GFRA2: variants seen among roughly 807,000 people sequenced by gnomAD.
GFRA2 encodes GDNF family receptor alpha-2.
Under a neutral mutation model 48.3 loss-of-function variants are expected in GFRA2, and 17 were observed. The observed-to-expected ratio is 0.35, with a 90% CI of 0.24 to 0.53. The LOEUF (loss-of-function observed/expected upper bound fraction) is 0.53. GFRA2 is among the 20% of genes least tolerant of loss of function. The pLI is 0.93. For synonymous variants in GFRA2, 305 were observed against 257.2 expected, an observed-to-expected ratio of 1.19 and a Z score of -1.78; for missense variants, 660 against 637.3, an observed-to-expected ratio of 1.04 and a Z score of -0.38.
chr8:21,796,080 C>T (rs901779257), intron 2 of GFRA2, among the ~76,000 whole-genome samples: 19 of 152,342 alleles, frequency 1.2e-4, no homozygotes, highest in African/African-American at 4.6e-4. Flanking sequence ...AGCTAGTAAA[C>T]CACCCTTCTG....
chr8:21,802,866 G>A (rs75949648), intron 2 of GFRA2, among the ~76,000 whole-genome samples: 1,896 of 152,252 alleles, frequency 0.012, 50 homozygotes, highest in East Asian at 0.12. Context: ...GCTCTTCCCA[G>A]GAGGTACTTC....
intron 3 of GFRA2, among the ~76,000 whole-genome samples, chr8:21,768,861 A>T (rs1043118340): frequency 1.7e-4 from 26 of 152,044 alleles, no homozygotes; most frequent in African/African-American, 6.3e-4. Context: ...GTCTGCCACA[A>T]TGATCCCTGT....
chr8:21,693,654 A>G (rs959314608), intron 8 of GFRA2, among the ~76,000 whole-genome samples: 3 of 151,934 alleles, frequency 2.0e-5, no homozygotes, highest in African/African-American at 7.2e-5. Flanking sequence ...AGAGGAGGGC[A>G]GTGGTCACCA....
intron 4 of GFRA2, among the ~76,000 whole-genome samples, chr8:21,722,166 C>CA (rs1803631869): frequency 6.6e-6 from 1 of 152,164 alleles, no homozygotes; most frequent in African/African-American, 2.4e-5. Flanking sequence ...ATTAATTACA[C>CA]ACCCCCATGC....
At chr8:21,721,816 G>T (rs887792850) in intron 4 of GFRA2, among the ~76,000 whole-genome samples, 1 of 152,184 alleles carries the variant, frequency 6.6e-6, no homozygotes, top group African/African-American at 2.4e-5. Flanking sequence ...CCAGGAAGCA[G>T]GGAGGACCAG....
intron 4 of GFRA2, chr8:21,706,490 G>A (rs1432979938): frequency 2.2e-6 from 1 of 456,592 alleles, no homozygotes; most frequent in Non-Finnish European, 4.4e-6. Context: ...CAGGTGACTA[G>A]TCCCTTCCCT....
intron 4 of GFRA2, among the ~76,000 whole-genome samples, chr8:21,725,896 G>A (rs931501397): frequency 7.2e-5 from 11 of 152,306 alleles, no homozygotes; most frequent in East Asian, 3.9e-4. Flanking sequence ...AGCAGAATCC[G>A]AGCAAGACCC....
chr8:21,732,462 G>A (rs1804244285), intron 4 of GFRA2, among the ~76,000 whole-genome samples: 1 of 152,202 alleles, frequency 6.6e-6, no homozygotes, highest in South Asian at 2.1e-4. Context: ...GAGAGGGGAG[G>A]GGGGTATCTC....
chr8:21,756,045 C>A (rs1303227965), intron 3 of GFRA2, among the ~76,000 whole-genome samples: 2 of 152,156 alleles, frequency 1.3e-5, no homozygotes, highest in African/African-American at 4.8e-5. Context: ...GGCCGGGGGC[C>A]AAGGTGAGGA....
intron 3 of GFRA2, among the ~76,000 whole-genome samples, chr8:21,755,890 C>G (rs944902638): frequency 1.3e-5 from 2 of 152,274 alleles, no homozygotes; most frequent in Non-Finnish European, 2.9e-5. Flanking sequence ...CCAAACCATT[C>G]TGCCCAGGAC....
At chr8:21,778,806 C>G (rs62494096) in intron 2 of GFRA2, among the ~76,000 whole-genome samples, 77,086 of 151,946 alleles carry the variant, frequency 0.51, 21,919 homozygotes, top group African/African-American at 0.77. Context: ...AGGGTCACTT[C>G]AGCCCAGAAA....
chr8:21,755,602 G>A (rs67273622), intron 3 of GFRA2, among the ~76,000 whole-genome samples: 44,317 of 150,902 alleles, frequency 0.29, 6,639 homozygotes, highest in Middle Eastern at 0.49. Flanking sequence ...AGGGAAGTCA[G>A]GTGTGGAGAG....
chr8:21,729,365 C>T (rs1468629795), intron 4 of GFRA2, among the ~76,000 whole-genome samples: 1 of 152,100 alleles, frequency 6.6e-6, no homozygotes, highest in Non-Finnish European at 1.5e-5. Context: ...TAGGCATTCC[C>T]ACTGGGACCT....
At chr8:21,754,103 T>A (rs938392467) in intron 3 of GFRA2, among the ~76,000 whole-genome samples, 1 of 152,226 alleles carries the variant, frequency 6.6e-6, no homozygotes, top group Non-Finnish European at 1.5e-5. Flanking sequence ...GCACATTCCA[T>A]GTACCCCTAC....
At chr8:21,751,779 G>C (rs554483588) in intron 3 of GFRA2, among the ~76,000 whole-genome samples, 15 of 152,296 alleles carry the variant, frequency 9.8e-5, no homozygotes, top group African/African-American at 3.6e-4. Context: ...AGTTCCTGGT[G>C]TTCTAATCAC....
chr8:21,720,171 G>A (rs900427862), intron 4 of GFRA2, among the ~76,000 whole-genome samples: 2 of 152,060 alleles, frequency 1.3e-5, no homozygotes, highest in African/African-American at 2.4e-5. Context: ...GACACATAAC[G>A]TATGGAGAAA....
chr8:21,810,552 A>C (rs1807958822), intron 1 of GFRA2, among the ~76,000 whole-genome samples: 1 of 152,190 alleles, frequency 6.6e-6, no homozygotes, highest in Non-Finnish European at 1.5e-5. Context: ...CCTGGCTGGC[A>C]CTGAGGGTAA....
rs141546784 is a variant in GFRA2, at chr8:21,696,799, A to T, written c.1219-2282T>A. On this transcript the variant is annotated intron_variant, in intron 7 of 8. Transcript: ENST00000524240. ...GTATTACACAGGAAAAATGACAGAGAAGAGGAGAGTGAAGAAAGGGGTGGA... is the reference window on the plus strand; with the variant it reads ...GTATTACACAGGAAAAATGACAGAGTAGAGGAGAGTGAAGAAAGGGGTGGA... 2.5e-3 allele frequency among the ~76,000 whole-genome samples: 378 copies of T among 152,042 alleles called. 1 individual carries two copies. The highest frequency in any genetic ancestry group is 8.8e-3 in the African/African-American group (364 of 41,472).
At chr8:21,762,021 G>A (rs1160891229) in intron 3 of GFRA2, among the ~76,000 whole-genome samples, 3 of 152,114 alleles carry the variant, frequency 2.0e-5, no homozygotes, top group African/African-American at 4.8e-5. Context: ...CACCTCTCTG[G>A]CTACCTTCAC....
Sources: gnomAD v4.1 joint callset for allele counts (sites outside exome capture counted in the v4.1 genomes callset) on GRCh38, gnomAD v4.1.1 for gene constraint, MANE v1.5 for transcripts, NCBI Gene and HGNC (gene_info 2026-07-23, HGNC 2026-07-21) for gene names.